The following CYSLTR1 variants were observed in gnomAD, a reference collection of about 807,000 sequenced individuals.
The protein encoded by CYSLTR1 is G-protein coupled receptor HG55.
In CYSLTR1, 1 loss-of-function variant was observed where a neutral mutation model predicts 2.1. The observed-to-expected ratio is 0.48, with a 90% CI of 0.17 to 2.28. The LOEUF (loss-of-function observed/expected upper bound fraction) is 2.28. Ranked by LOEUF, CYSLTR1 falls within the 30% of genes most tolerant of loss-of-function variation. The pLI, the probability that CYSLTR1 is intolerant of heterozygous loss-of-function variation, is 0.26. For missense variants in CYSLTR1, 299 were observed against 250.1 expected (o/e 1.20, Z -1.32); for synonymous variants, 110 against 89.6 (o/e 1.23, Z -1.28).
intron 2 of CYSLTR1, among the ~76,000 whole-genome samples, chrX:78,276,852 G>A (rs1243439962): frequency 9.0e-6 from 1 of 110,772 alleles, no homozygotes; most frequent in African/African-American, 3.3e-5. Context: ...GCTGAAAGGG[G>A]AGGAAGCTGA....
chrX:78,282,917 A>C (rs150555567), intron 2 of CYSLTR1, among the ~76,000 whole-genome samples: 5,139 of 112,060 alleles, frequency 0.046, 146 homozygotes, highest in Non-Finnish European at 0.074. Context: ...CAGTCCTTGC[A>C]GACCAAAATA....
At chrX:78,291,167 G>A (rs1260902326) in intron 1 of CYSLTR1, among the ~76,000 whole-genome samples, 1 of 111,746 alleles carries the variant, frequency 8.9e-6, no homozygotes, top group Non-Finnish European at 1.9e-5. Flanking sequence ...TTAGCATGAA[G>A]GGCTGTTGAA....
Position 78,272,010 on chromosome X carries a change from C to A in CYSLTR1, c.*723G>T, listed in dbSNP as rs923189284. On this transcript the variant is annotated 3_prime_UTR_variant, in exon 3 of 3. Coordinates refer to ENST00000373304, the MANE Select transcript of CYSLTR1 (RefSeq NM_006639.4). ...GATGGAGAGAAATCTCTACAGGAAC[C>A]TCACTGAGCAGCTAAAACTCCACTA... is the stretch of plus-strand genomic sequence containing the variant. The A allele has an allele frequency of 9.0e-6, 1 of 111,694 alleles. No homozygotes were observed. The highest frequency in any genetic ancestry group is 1.9e-5 in the Non-Finnish European group (1 of 53,129). 9.2% of individuals were successfully genotyped at this position (111,694 alleles called of 1,213,427 possible). A position where few individuals can be genotyped will look rare whatever the true frequency, so the allele number is the denominator to read the frequency against.
At position 78,272,297 on chromosome X, in the gene CYSLTR1, A is replaced by C. The variant is rs1921296401; in HGVS notation, c.*436T>G. On this transcript the variant is annotated 3_prime_UTR_variant, in exon 3 of 3. Coordinates refer to ENST00000373304, the MANE Select transcript of CYSLTR1 (RefSeq NM_006639.4). ...CTCCAGTTCTCATCTGATGGCATGC[A>C]TGCAAAGGAATATGTTAGAATGATT... 8.9e-6 allele frequency: 1 copy of C among 112,785 alleles called. No homozygotes were observed. The highest frequency in any genetic ancestry group is 3.6e-4 in the South Asian group (1 of 2,759). 9.3% of individuals were successfully genotyped at this position (112,785 alleles called of 1,213,427 possible).
At chrX:78,280,013 C>T (rs901478601) in intron 2 of CYSLTR1, among the ~76,000 whole-genome samples, 3 of 110,837 alleles carry the variant, frequency 2.7e-5, no homozygotes, top group African/African-American at 9.9e-5. Context: ...TACTCACTAC[C>T]TCAGTGATGG....
chrX:78,313,379 G>A, intron 1 of CYSLTR1, among the ~76,000 whole-genome samples: 1 of 111,264 alleles, frequency 9.0e-6, no homozygotes. Flanking sequence ...CCCTACCTGG[G>A]TGTTGAGATC....
At chrX:78,313,224 C>A (rs754767869) in intron 1 of CYSLTR1, among the ~76,000 whole-genome samples, 10 of 111,971 alleles carry the variant, frequency 8.9e-5, no homozygotes, top group African/African-American at 3.2e-4. Flanking sequence ...GAAAACCAAA[C>A]ACCACATTTC....
At chrX:78,318,907 G>A (rs1281341048) in intron 1 of CYSLTR1, 30 of 103,061 alleles carry the variant, frequency 2.9e-4, no homozygotes, top group Non-Finnish European at 5.3e-4. Flanking sequence ...AACCAACTTA[G>A]TTCAGCATCC....
intron 1 of CYSLTR1, among the ~76,000 whole-genome samples, chrX:78,325,937 T>A (rs141865072): frequency 2.0e-4 from 22 of 112,020 alleles, no homozygotes; most frequent in Non-Finnish European, 4.0e-4. Flanking sequence ...GGGGAGGTAG[T>A]AGAAAATGAG....
At chrX:78,303,498 A>G (rs937280622) in intron 1 of CYSLTR1, among the ~76,000 whole-genome samples, 1 of 109,743 alleles carries the variant, frequency 9.1e-6, no homozygotes, top group South Asian at 4.0e-4. Context: ...CTTCTATTTT[A>G]CCATCTTGCT....
intron 1 of CYSLTR1, among the ~76,000 whole-genome samples, chrX:78,323,203 G>A (rs1209165599): frequency 1.8e-5 from 2 of 111,373 alleles, no homozygotes; most frequent in East Asian, 5.6e-4. Context: ...TAAGTAGAGG[G>A]CCTTTTTCCA....
intron 2 of CYSLTR1, among the ~76,000 whole-genome samples, chrX:78,276,707 A>G: frequency 9.0e-6 from 1 of 111,038 alleles, no homozygotes. Context: ...TATCTGAGCC[A>G]AGATGGCCAA....
At chrX:78,298,472 T>C (rs1000815224) in intron 1 of CYSLTR1, among the ~76,000 whole-genome samples, 24 of 111,383 alleles carry the variant, frequency 2.2e-4, no homozygotes, top group African/African-American at 7.2e-4. Context: ...AAGTGGGGTG[T>C]TGAAGTCTCC....
chrX:78,320,799 T>C (rs1003704026), intron 1 of CYSLTR1: 5 of 111,616 alleles, frequency 4.5e-5, no homozygotes, highest in African/African-American at 1.6e-4. Context: ...AGCAGCGGTT[T>C]GTAGTTCTCC....
In CYSLTR1 at chrX:78,327,476, G is replaced by T. The variant is rs892175322; in HGVS notation, c.-286C>A. 6 of 112,178 alleles carry T rather than the reference G, an allele frequency of 5.3e-5. No individual in the cohort carries two copies. The highest frequency in any genetic ancestry group is 1.9e-4 in the African/African-American group (6 of 30,845). The allele number at this position is 112,178 out of a possible 1,213,427, so 9.2% of individuals were successfully genotyped here. On this transcript the variant is annotated 5_prime_UTR_variant, in exon 1 of 3. Coordinates refer to ENST00000373304, the MANE Select transcript of CYSLTR1 (RefSeq NM_006639.4). ...TAAAAGCACAGTCCATTCACAGAGT[G>T]CCTGCTCTATAGGCAAGCTTCTTTG... is the stretch of plus-strand genomic sequence containing the variant.
At chrX:78,284,434 C>G (rs933796233) in intron 1 of CYSLTR1, among the ~76,000 whole-genome samples, 6 of 111,124 alleles carry the variant, frequency 5.4e-5, no homozygotes, top group African/African-American at 2.0e-4. Context: ...TCACTCTGCC[C>G]AGGCTGGAGT....
chrX:78,291,934 A>AT (rs1922353313), intron 1 of CYSLTR1, among the ~76,000 whole-genome samples: 2 of 106,846 alleles, frequency 1.9e-5, no homozygotes, highest in South Asian at 4.0e-4. Context: ...GGATTCATTG[A>AT]TTTTTTTGAA....
chrX:78,325,671 G>A (rs891535376), intron 1 of CYSLTR1, among the ~76,000 whole-genome samples: 1 of 111,347 alleles, frequency 9.0e-6, no homozygotes, highest in Non-Finnish European at 1.9e-5. Flanking sequence ...TAGGTGTTAG[G>A]AACATGAGAA....
At position 78,272,067 on chromosome X, in the gene CYSLTR1, A is replaced by G. The variant is rs1921284672; in HGVS notation, c.*666T>C. On this transcript the variant is annotated 3_prime_UTR_variant, in exon 3 of 3. Coordinates refer to ENST00000373304, the MANE Select transcript of CYSLTR1 (RefSeq NM_006639.4). Reference sequence around the variant, plus strand: ...TTTGGGAGCCTGAGGCAAAGGCAGAAGAAAACTGGAGACAAACTGGCTTTT... The same window carrying G: ...TTTGGGAGCCTGAGGCAAAGGCAGAGGAAAACTGGAGACAAACTGGCTTTT... 8.9e-6 allele frequency: 1 copy of G among 112,032 alleles called. No homozygotes were observed. Among genetic ancestry groups the G allele is most frequent in the African/African-American group, 3.2e-5 (1 of 30,855 alleles). 9.2% of individuals were successfully genotyped at this position (112,032 alleles called of 1,213,427 possible).
Sources: allele counts gnomAD v4.1 joint callset (sites outside exome capture counted in the v4.1 genomes callset), GRCh38; gene constraint gnomAD v4.1.1; transcripts MANE v1.5; gene names NCBI Gene and HGNC (gene_info 2026-07-23, HGNC 2026-07-21).